Variants in CSMD3 observed in about 807,000 individuals in gnomAD.
The protein encoded by CSMD3 is CUB and sushi domain-containing protein 3.
CSMD3 carries 177 observed loss-of-function variants against 435.2 expected under a neutral mutation model. The observed-to-expected ratio is 0.41, with a 90% CI of 0.36 to 0.46. The LOEUF (loss-of-function observed/expected upper bound fraction) is 0.46, where lower values mean the gene tolerates loss of function less well. Among genes scored for constraint, CSMD3 ranks in the 20% least tolerant of loss-of-function variants. The pLI is 0.34. For synonymous variants in CSMD3, 1,656 were observed against 1,520.5 expected, an observed-to-expected ratio of 1.09 and a Z score of -2.07; for missense variants, 4,265 against 4,504.6, an observed-to-expected ratio of 0.95 and a Z score of 1.52.
At chr8:113,181,353 A>G (rs1186329980) in intron 3 of CSMD3, among the ~76,000 whole-genome samples, 1 of 152,072 alleles carries the variant, frequency 6.6e-6, no homozygotes, top group East Asian at 1.9e-4. Context: ...TATGTTGGTA[A>G]TGTCATTCTG....
chr8:113,404,751 T>C (rs1233835995), intron 1 of CSMD3, among the ~76,000 whole-genome samples: 4 of 151,362 alleles, frequency 2.6e-5, no homozygotes, highest in Non-Finnish European at 5.9e-5. Flanking sequence ...ATAACCATTT[T>C]AAGGGGGAAA....
At chr8:112,776,538 T>A (rs2078250408) in intron 13 of CSMD3, among the ~76,000 whole-genome samples, 1 of 151,764 alleles carries the variant, frequency 6.6e-6, no homozygotes, top group Non-Finnish European at 1.5e-5. Flanking sequence ...TCAAATCTCA[T>A]ATTTTCTATG....
chr8:113,269,596 T>G (rs993863363), intron 3 of CSMD3, among the ~76,000 whole-genome samples: 9 of 152,108 alleles, frequency 5.9e-5, no homozygotes, highest in Admixed American at 5.9e-4. Flanking sequence ...AGCATGGTAC[T>G]GGTACCAAAA....
intron 3 of CSMD3, among the ~76,000 whole-genome samples, chr8:113,255,111 T>C (rs1020856694): frequency 6.6e-6 from 1 of 152,118 alleles, no homozygotes; most frequent in African/African-American, 2.4e-5. Context: ...CCAAGATTTA[T>C]TGGACAAGAG....
intron 31 of CSMD3, among the ~76,000 whole-genome samples, chr8:112,476,040 ATTTATTTTTAT>A (rs1819013009): frequency 6.6e-6 from 1 of 151,912 alleles, no homozygotes; most frequent in South Asian, 2.1e-4. Context: ...GCATTTTTTA[ATTTATTTTTAT>A]TTTTATTTTT....
intron 5 of CSMD3, among the ~76,000 whole-genome samples, chr8:113,076,911 G>T (rs1401739437): frequency 1.3e-5 from 2 of 152,074 alleles, no homozygotes; most frequent in African/African-American, 4.8e-5. Context: ...AAGATGGTTT[G>T]AAAACACTGT....
intron 10 of CSMD3, 75 bp downstream of exon 10, chr8:112,921,552 A>T (rs755457963): frequency 7.4e-6 from 9 of 1,213,384 alleles, no homozygotes; most frequent in Non-Finnish European, 1.1e-5. Context: ...CAAAGACTTA[A>T]TTGCAACTTA....
intron 59 of CSMD3, among the ~76,000 whole-genome samples, chr8:112,274,231 A>T (rs1044933049): frequency 2.0e-5 from 3 of 151,946 alleles, no homozygotes; most frequent in East Asian, 3.9e-4. Flanking sequence ...GAGTATATTT[A>T]AAAAAAAGAA....
At chr8:113,016,872 A>T (rs1238097100) in intron 6 of CSMD3, among the ~76,000 whole-genome samples, 1 of 151,818 alleles carries the variant, frequency 6.6e-6, no homozygotes, top group East Asian at 1.9e-4. Context: ...TATATTTTTT[A>T]ATTTAAATTT....
chr8:112,311,245 G>A (rs1821955542), intron 49 of CSMD3, 79 bp from the exon 50 acceptor site: 8 of 1,116,206 alleles, frequency 7.2e-6, no homozygotes, highest in South Asian at 2.6e-5. Context: ...CCTATACAGC[G>A]ACTAGTGCTT....
chr8:112,737,587 T>C (rs906994475), intron 13 of CSMD3, among the ~76,000 whole-genome samples: 27 of 151,888 alleles, frequency 1.8e-4, no homozygotes, highest in Non-Finnish European at 3.2e-4. Context: ...CATTGTGTGA[T>C]TGGAGTCATT....
rs73341912 is a variant in CSMD3 at position 113,333,958 on chromosome 8, G to T, written c.179-19165C>A. On this transcript the variant is annotated intron_variant, in intron 1 of 70. Transcript: ENST00000297405. ...ATCTTGAACTTCTTCTACTAGCTTTGTATAGTTTTCAGGATAGAAGTCCTA... is the reference window on the plus strand; with the variant it reads ...ATCTTGAACTTCTTCTACTAGCTTTTTATAGTTTTCAGGATAGAAGTCCTA... 3.5e-3 allele frequency among the ~76,000 whole-genome samples: 539 copies of T among 151,876 alleles called. 2 individuals are homozygous for T. Among genetic ancestry groups the T allele is most frequent in the African/African-American group, 0.012 (502 of 41,474 alleles).
At chr8:113,386,593 T>C (rs533117404) in intron 1 of CSMD3, among the ~76,000 whole-genome samples, 2 of 151,842 alleles carry the variant, frequency 1.3e-5, no homozygotes, top group African/African-American at 4.8e-5. Flanking sequence ...AAAATCATAT[T>C]TCACAAGCAA....
Position 112,550,749 on chromosome 8 carries a change from T to C in CSMD3, c.4486A>G (p.Ser1496Gly), listed in dbSNP as rs1827606866. ...SGSLIPEGIH[S>G]TLNIVTIQFD... ...TGGATGGTTACTATATTGAGGGTGC[T>C]ATGAATTCCTTCAGGAATAAGAGAT... is the stretch of plus-strand genomic sequence containing the variant. The change falls in exon 27 of 71, where the codon AGC becomes GGC. Residue 1496 changes from serine to glycine, a missense_variant. Around this residue, in one of 3 missense-constraint regions of CSMD3, gnomAD observed 3,255 missense variants for 3,380.2 expected, o/e 0.96. Coordinates refer to ENST00000297405, the MANE Select transcript of CSMD3 (RefSeq NM_198123.2). The C allele has an allele frequency of 6.2e-7, 1 of 1,604,406 alleles. No homozygotes were observed. Among genetic ancestry groups the C allele is most frequent in the African/African-American group, 1.3e-5 (1 of 74,750 alleles).
At chr8:112,978,970 A>T (rs1357185226) in intron 6 of CSMD3, among the ~76,000 whole-genome samples, 1 of 151,960 alleles carries the variant, frequency 6.6e-6, no homozygotes, top group East Asian at 1.9e-4. Flanking sequence ...ATGGAATATG[A>T]TTATAATTGT....
intron 1 of CSMD3, among the ~76,000 whole-genome samples, chr8:113,353,002 C>A (rs1444705743): frequency 6.6e-6 from 1 of 152,010 alleles, no homozygotes; most frequent in East Asian, 1.9e-4. Flanking sequence ...AAATTGCAAG[C>A]TAAAATGATG....
intron 3 of CSMD3, among the ~76,000 whole-genome samples, chr8:113,244,203 G>A (rs144180903): frequency 6.6e-6 from 1 of 152,172 alleles, no homozygotes; most frequent in African/African-American, 2.4e-5. Context: ...TGTGCTTTTG[G>A]TATCACAACA....
intron 11 of CSMD3, among the ~76,000 whole-genome samples, chr8:112,835,093 G>A (rs2079983649): frequency 6.6e-6 from 1 of 151,710 alleles, no homozygotes; most frequent in Non-Finnish European, 1.5e-5. Flanking sequence ...ATCTACTAAT[G>A]AAGTCAATTA....
At chr8:113,080,681 C>T (rs986780031) in intron 5 of CSMD3, among the ~76,000 whole-genome samples, 16 of 152,114 alleles carry the variant, frequency 1.1e-4, no homozygotes, top group Admixed American at 6.5e-5. Context: ...TGAAAAATTA[C>T]GTTTGTTCAT....
Sources: gnomAD v4.1 joint callset for allele counts (sites outside exome capture counted in the v4.1 genomes callset) on GRCh38, gnomAD v4.1.1 for gene constraint, gnomAD v4.1.1 regional missense constraint, MANE v1.5 for transcripts, NCBI Gene and HGNC (gene_info 2026-07-23, HGNC 2026-07-21) for gene names.